The following CACNG2 variants were observed in gnomAD, a reference collection of about 807,000 sequenced individuals.
CACNG2 encodes voltage-dependent calcium channel gamma-2 subunit.
In CACNG2, 3 loss-of-function variants were observed where a neutral mutation model predicts 25.9. The ratio of observed to expected loss-of-function variants is 0.12; its 90% CI spans 0.05 to 0.30. CACNG2 has a LOEUF of 0.30. Ranked by LOEUF, CACNG2 falls within the 10% of genes least tolerant of loss-of-function variation. The pLI is 1.00. For missense variants in CACNG2, 341 were observed against 432.5 expected (o/e 0.79, Z 1.88); for synonymous variants, 167 against 173.3 (o/e 0.96, Z 0.29).
chr22:36,588,045 C>T (rs767914048), intron 1 of CACNG2, among the ~76,000 whole-genome samples: 30 of 152,302 alleles, frequency 2.0e-4, no homozygotes, highest in East Asian at 3.9e-4. Context: ...TCTGCAATTC[C>T]GCACGGAATT....
At chr22:36,669,908 T>C (rs1412216690) in intron 1 of CACNG2, among the ~76,000 whole-genome samples, 1 of 152,108 alleles carries the variant, frequency 6.6e-6, no homozygotes, top group Non-Finnish European at 1.5e-5. Context: ...AGATGGGGTT[T>C]TGCCATGTTG....
intron 1 of CACNG2, among the ~76,000 whole-genome samples, chr22:36,683,557 G>C (rs997692785): frequency 6.6e-6 from 1 of 152,150 alleles, no homozygotes; most frequent in Non-Finnish European, 1.5e-5. Context: ...AGTCATTCCT[G>C]TTATGACAAA....
intron 1 of CACNG2, among the ~76,000 whole-genome samples, chr22:36,689,195 G>C (rs1287596377): frequency 6.6e-6 from 1 of 152,036 alleles, no homozygotes; most frequent in Non-Finnish European, 1.5e-5. Context: ...TCTAGGCTTT[G>C]GTCTCCTTCA....
Position 36,703,474 on chromosome 22 carries a change from C to T in CACNG2, c.-898G>A, listed in dbSNP as rs77628622. The T allele has an allele frequency of 1.3e-5, 2 of 152,418 alleles. No homozygotes were observed. The highest frequency in any genetic ancestry group is 2.9e-5 in the Non-Finnish European group (2 of 68,312). 9.4% of individuals were successfully genotyped at this position (152,418 alleles called of 1,614,324 possible). A position where few individuals can be genotyped will look rare whatever the true frequency, so the allele number is the denominator to read the frequency against. ...CAGGGTGGGCCGCGCGCCTGCCCCC[C>T]ACTCGCTACCGGCTGGGCGCCCGCG... On this transcript the variant is annotated 5_prime_UTR_variant, in exon 1 of 4. Transcript: ENST00000300105.
chr22:36,700,697 C>T (rs4821518), intron 1 of CACNG2, among the ~76,000 whole-genome samples: 18,958 of 152,024 alleles, frequency 0.12, 1,532 homozygotes, highest in African/African-American at 0.2. Flanking sequence ...AAGGAGGGGG[C>T]GTGTGTGTGC....
chr22:36,683,986 T>C (rs1395555800), intron 1 of CACNG2, among the ~76,000 whole-genome samples: 5 of 152,242 alleles, frequency 3.3e-5, no homozygotes, highest in Non-Finnish European at 7.3e-5. Context: ...TTCTGTGAAT[T>C]GGCCTCTGAC....
intron 1 of CACNG2, among the ~76,000 whole-genome samples, chr22:36,661,450 T>A (rs774411734): frequency 1.3e-5 from 2 of 152,152 alleles, no homozygotes; most frequent in Admixed American, 6.5e-5. Context: ...CTTATGGGAA[T>A]GGGATGTCAG....
At chr22:36,697,657 A>G (rs1215416273) in intron 1 of CACNG2, among the ~76,000 whole-genome samples, 1 of 152,192 alleles carries the variant, frequency 6.6e-6, no homozygotes, top group African/African-American at 2.4e-5. Flanking sequence ...ACACGGTGAG[A>G]ATGGCTAGGA....
intron 2 of CACNG2, among the ~76,000 whole-genome samples, chr22:36,579,893 T>C (rs550136121): frequency 2.6e-4 from 39 of 152,330 alleles, no homozygotes; most frequent in African/African-American, 8.7e-4. Context: ...TGTTGCAAAC[T>C]GAAGCCCTCC....
At chr22:36,662,961 G>C (rs895310715) in intron 1 of CACNG2, among the ~76,000 whole-genome samples, 1 of 151,774 alleles carries the variant, frequency 6.6e-6, no homozygotes, top group Admixed American at 6.6e-5. Context: ...CTGGGGCCCT[G>C]CACCACACAG....
chr22:36,580,161 G>A (rs547297035), intron 2 of CACNG2, among the ~76,000 whole-genome samples: 3 of 152,250 alleles, frequency 2.0e-5, no homozygotes, highest in Admixed American at 6.5e-5. Flanking sequence ...CAAGGAAACC[G>A]AGGCCCAGGG....
intron 1 of CACNG2, among the ~76,000 whole-genome samples, chr22:36,678,049 A>T (rs16997158): frequency 0.088 from 13,369 of 152,258 alleles, 1,106 homozygotes; most frequent in African/African-American, 0.21. Context: ...AGTGTTGCAG[A>T]GATGCCAATG....
chr22:36,589,769 G>T (rs1935558361), intron 1 of CACNG2, among the ~76,000 whole-genome samples: 1 of 151,990 alleles, frequency 6.6e-6, no homozygotes. Flanking sequence ...GCATCTTGGG[G>T]TGTTAAAAGG....
intron 1 of CACNG2, among the ~76,000 whole-genome samples, chr22:36,678,272 G>T (rs1244179304): frequency 6.6e-6 from 1 of 152,116 alleles, no homozygotes. Flanking sequence ...CACAATTTGG[G>T]GTAGGAGGAG....
At chr22:36,589,058 T>C (rs1053769658) in intron 1 of CACNG2, among the ~76,000 whole-genome samples, 1 of 149,592 alleles carries the variant, frequency 6.7e-6, no homozygotes, top group Non-Finnish European at 1.5e-5. Flanking sequence ...TGGTGTGATC[T>C]CGGCTCACGG....
At chr22:36,662,204 ACTC>A (rs1936809200) in intron 1 of CACNG2, among the ~76,000 whole-genome samples, 1 of 150,904 alleles carries the variant, frequency 6.6e-6, no homozygotes, top group East Asian at 1.9e-4. Flanking sequence ...CTGGTCTCGA[ACTC>A]CTGACCTCAG....
intron 1 of CACNG2, among the ~76,000 whole-genome samples, chr22:36,660,753 C>T (rs1049334409): frequency 6.6e-6 from 1 of 152,226 alleles, no homozygotes; most frequent in African/African-American, 2.4e-5. Context: ...GTTAGATAAA[C>T]GTGGAAGCAA....
chr22:36,640,070 T>G (rs73415640), intron 1 of CACNG2, among the ~76,000 whole-genome samples: 7,805 of 152,100 alleles, frequency 0.051, 682 homozygotes, highest in African/African-American at 0.18. Flanking sequence ...AAGGAAGAAA[T>G]GGTACCATGT....
chr22:36,641,329 AG>A (rs1936439989), intron 1 of CACNG2, among the ~76,000 whole-genome samples: 1 of 152,236 alleles, frequency 6.6e-6, no homozygotes. Context: ...GGCTCAGTGT[AG>A]ATAGCCAATA....
Sources: allele counts gnomAD v4.1 joint callset (sites outside exome capture counted in the v4.1 genomes callset), GRCh38; gene constraint gnomAD v4.1.1; transcripts MANE v1.5; gene names NCBI Gene and HGNC (gene_info 2026-07-23, HGNC 2026-07-21).